The following RPA1 variants were observed in gnomAD, a reference collection of about 807,000 sequenced individuals.
The protein encoded by RPA1 is replication protein A1.
A neutral mutation model predicts 83.0 loss-of-function variants in RPA1; 49 were observed. The ratio of observed to expected loss-of-function variants is 0.59; its 90% CI spans 0.47 to 0.75. The LOEUF (loss-of-function observed/expected upper bound fraction) is 0.75. Ranked by LOEUF, RPA1 falls within the 30% of genes least tolerant of loss-of-function variation. The pLI, the probability that RPA1 is intolerant of heterozygous loss-of-function variation, is 0.00. For synonymous variants in RPA1, 279 were observed against 281.8 expected (o/e 0.99, Z 0.10); for missense variants, 693 against 776.1 (o/e 0.89, Z 1.27).
chr17:1,843,493 C>T (rs967714027), intron 2 of RPA1, among the ~76,000 whole-genome samples: 1 of 151,868 alleles, frequency 6.6e-6, no homozygotes, highest in Admixed American at 6.6e-5. Flanking sequence ...CTCTCTGCCT[C>T]CATCTCCACC....
At chr17:1,844,080 G>A (rs1443547511) in intron 3 of RPA1, 82 bp downstream of exon 3, 1 of 1,276,754 alleles carries the variant, frequency 7.8e-7, no homozygotes, top group Non-Finnish European at 1.1e-6. Context: ...CCATAATTTG[G>A]GGGCATTCGT....
At chr17:1,842,582 G>A (rs113815632) in intron 1 of RPA1, among the ~76,000 whole-genome samples, 3 of 152,204 alleles carry the variant, frequency 2.0e-5, no homozygotes, top group Non-Finnish European at 2.9e-5. Flanking sequence ...ATGGGATACC[G>A]GTGCTAGAGA....
intron 4 of RPA1, among the ~76,000 whole-genome samples, chr17:1,848,010 CAA>C (rs34885352): frequency 1.7e-5 from 1 of 58,428 alleles, no homozygotes; most frequent in African/African-American, 3.6e-5. Context: ...ACCCCATCTC[CAA>C]AAAAAAAAAG....
chr17:1,857,154 C>T (rs1912728790), intron 5 of RPA1, among the ~76,000 whole-genome samples: 1 of 151,792 alleles, frequency 6.6e-6, no homozygotes, highest in South Asian at 2.1e-4. Flanking sequence ...CATTCATATT[C>T]AATTCATAAT....
intron 11 of RPA1, among the ~76,000 whole-genome samples, chr17:1,880,300 C>A (rs536936056): frequency 6.6e-6 from 1 of 152,130 alleles, no homozygotes; most frequent in Non-Finnish European, 1.5e-5. Context: ...TATCTTACTT[C>A]TGTGAGATTT....
At chr17:1,860,307 C>T (rs371613336) in intron 5 of RPA1, among the ~76,000 whole-genome samples, 35 of 152,176 alleles carry the variant, frequency 2.3e-4, no homozygotes, top group African/African-American at 6.5e-4. Context: ...CCACCACGCC[C>T]GGCTCATTTC....
rs137994107 is a variant in RPA1, at chr17:1,844,536, C to T, written c.164-42C>T. The T allele has an allele frequency of 9.7e-3, 14,822 of 1,532,084 alleles. 96 individuals carry two copies. The highest frequency in any genetic ancestry group is 0.012 in the Non-Finnish European group (13,575 of 1,111,236). The allele number at this position is 1,532,084 out of a possible 1,614,324, so 94.9% of individuals were successfully genotyped here. ...ATGAGTAGCTCTCAGAGGCTTAAGACTGCAGGATTTTGGAGGCTAAAGAAA... is the reference window on the plus strand; with the variant it reads ...ATGAGTAGCTCTCAGAGGCTTAAGATTGCAGGATTTTGGAGGCTAAAGAAA... On this transcript the variant is annotated intron_variant, in intron 3 of 16. Transcript: ENST00000254719.
At chr17:1,870,191 G>A (rs1180007412) in intron 5 of RPA1, among the ~76,000 whole-genome samples, 1 of 152,144 alleles carries the variant, frequency 6.6e-6, no homozygotes, top group Non-Finnish European at 1.5e-5. Flanking sequence ...CTGTAGCAAT[G>A]CACGTACCTG....
rs1026869681 is a variant in RPA1 at position 1,898,085 on chromosome 17, G to T, written c.*910G>T. 1.3e-5 allele frequency: 2 copies of T among 151,966 alleles called. No individual in the cohort carries two copies. The highest frequency in any genetic ancestry group is 4.8e-5 in the African/African-American group (2 of 41,346). 9.4% of individuals were successfully genotyped at this position (151,966 alleles called of 1,614,324 possible). ...TTTGGTTGTGAATCCTACTTTCTTT[G>T]AATGCAAAGAGTTCCTATAACTGGA... On this transcript the variant is annotated 3_prime_UTR_variant, in exon 17 of 17. Coordinates refer to ENST00000254719, the MANE Select transcript of RPA1 (RefSeq NM_002945.5).
At chr17:1,834,568 C>T (rs1256040851) in intron 1 of RPA1, among the ~76,000 whole-genome samples, 5 of 152,072 alleles carry the variant, frequency 3.3e-5, no homozygotes, top group East Asian at 1.9e-4. Flanking sequence ...CATGTGAAGG[C>T]GTTTGGGCAA....
intron 4 of RPA1, among the ~76,000 whole-genome samples, chr17:1,849,937 C>G (rs369929457): frequency 6.6e-6 from 1 of 151,972 alleles, no homozygotes; most frequent in African/African-American, 2.4e-5. Context: ...TTTAGGAGGC[C>G]GAGGTGGGTG....
At chr17:1,858,102 G>T in intron 5 of RPA1, 1 of 1,613,634 alleles carries the variant, frequency 6.2e-7, no homozygotes, top group Non-Finnish European at 8.5e-7. Context: ...CTCCAGACTG[G>T]TATAGCTGGG....
At chr17:1,839,861 C>T (rs1911979718) in intron 1 of RPA1, among the ~76,000 whole-genome samples, 1 of 142,754 alleles carries the variant, frequency 7.0e-6, no homozygotes, top group Non-Finnish European at 1.5e-5. Context: ...GGTGCCATCT[C>T]ACCTTACTGC....
At chr17:1,848,428 A>C (rs1202752246) in intron 4 of RPA1, among the ~76,000 whole-genome samples, 2 of 151,760 alleles carry the variant, frequency 1.3e-5, no homozygotes, top group Non-Finnish European at 2.9e-5. Context: ...CCTGGTCAAC[A>C]TGGTGAAACC....
At chr17:1,855,070 A>T (rs1362089150) in intron 5 of RPA1, among the ~76,000 whole-genome samples, 1 of 152,142 alleles carries the variant, frequency 6.6e-6, no homozygotes, top group Non-Finnish European at 1.5e-5. Context: ...TTTCATCAGA[A>T]ATGGATGGTG....
At chr17:1,891,730 A>C in intron 14 of RPA1, 103 bp from the exon 15 acceptor site, 1 of 791,310 alleles carries the variant, frequency 1.3e-6, no homozygotes, top group Admixed American at 2.6e-5. Flanking sequence ...CCTCTCTGGA[A>C]ATTATTTTAA....
At chr17:1,875,919 ACTCTTT>A in intron 7 of RPA1, 126 bp downstream of exon 7, 1 of 859,482 alleles carries the variant, frequency 1.2e-6, no homozygotes, top group Non-Finnish European at 1.5e-6. Context: ...GAATGGGTTT[ACTCTTT>A]TTTTTTTTTT....
At chr17:1,869,166 G>T (rs1393868664) in intron 5 of RPA1, among the ~76,000 whole-genome samples, 1 of 152,164 alleles carries the variant, frequency 6.6e-6, no homozygotes, top group Non-Finnish European at 1.5e-5. Flanking sequence ...CTCTGCGATG[G>T]CTCACTTAAC....
chr17:1,893,596 A>C (rs1311832599), intron 15 of RPA1, among the ~76,000 whole-genome samples: 1 of 151,620 alleles, frequency 6.6e-6, no homozygotes, highest in Non-Finnish European at 1.5e-5. Flanking sequence ...GTCTCAATCA[A>C]CTCTGTTAAT....
Sources: allele counts gnomAD v4.1 joint callset (sites outside exome capture counted in the v4.1 genomes callset), GRCh38; gene constraint gnomAD v4.1.1; transcripts MANE v1.5; gene names NCBI Gene and HGNC (gene_info 2026-07-23, HGNC 2026-07-21).